THBS2: variants seen among roughly 807,000 people sequenced by gnomAD.
THBS2 encodes thrombospondin 2, also known as thrombospondin-2.
In THBS2, 47 loss-of-function variants were observed where a neutral mutation model predicts 135.2. The ratio of observed to expected loss-of-function variants is 0.35; its 90% confidence interval spans 0.28 to 0.44. The LOEUF is 0.44. Ranked by LOEUF, THBS2 falls within the 20% of genes least tolerant of loss-of-function variation. The pLI is 1.00. For synonymous variants in THBS2, 639 were observed against 633.8 expected (o/e 1.01, Z -0.12); for missense variants, 1,288 against 1,603.1 (o/e 0.80, Z 3.36).
At chr6:169,229,748 A>C in intron 13 of THBS2, 69 bp from the exon 14 acceptor site, 3 of 1,287,142 alleles carry the variant, frequency 2.3e-6, no homozygotes, top group Non-Finnish European at 1.1e-6. Flanking sequence ...AATGCAGGTG[A>C]AATGAAACCA....
intron 9 of THBS2, 116 bp downstream of exon 9, chr6:169,237,054 G>A (rs1780122325): frequency 2.5e-6 from 3 of 1,215,842 alleles, no homozygotes; most frequent in Admixed American, 2.6e-5. Flanking sequence ...GCTCGGCTGG[G>A]GCTGGGCTGG....
intron 7 of THBS2, among the ~76,000 whole-genome samples, chr6:169,238,062 G>A (rs921167523): frequency 2.6e-4 from 39 of 152,282 alleles, no homozygotes; most frequent in African/African-American, 9.1e-4. Context: ...GGGTGCTGAG[G>A]GGAGCTAAAT....
intron 15 of THBS2, 49 bp downstream of exon 15, chr6:169,228,073 T>TG: frequency 7.1e-7 from 1 of 1,405,982 alleles, no homozygotes; most frequent in Non-Finnish European, 9.4e-7. Context: ...AAACTCCATC[T>TG]CAAAAAAAAA....
intron 19 of THBS2, 54 bp downstream of exon 19, chr6:169,222,141 ACT>A: frequency 6.6e-7 from 1 of 1,526,346 alleles, no homozygotes; most frequent in Admixed American, 1.9e-5. Flanking sequence ...CTGCTGAAAC[ACT>A]CTGCAGCCAC....
rs770093072 is a variant in THBS2 at position 169,225,305 on chromosome 6, G to A, written c.2613C>T (p.Asn871=). The change falls in exon 17 of 22, where the codon AAC becomes AAT. Residue 871 remains asparagine, a synonymous_variant. Transcript: ENST00000617924. ...AGATGTAGGGGCAGTTGTCCTGGTT[G>A]TTCTGGTGGCCGTCGTCATCTATGT... The part of the protein sequence containing the change: ...NEDIDDDGHQ[N]NQDNCPYISN... 2.5e-6 allele frequency: 4 copies of A among 1,591,488 alleles called. No homozygotes were observed. The highest frequency in any genetic ancestry group is 3.6e-5 in the Admixed American group (2 of 55,496).
intron 3 of THBS2, 66 bp downstream of exon 3, chr6:169,248,351 T>A: frequency 1.3e-6 from 2 of 1,517,304 alleles, no homozygotes; most frequent in African/African-American, 2.7e-5. Flanking sequence ...ACCAGACGCA[T>A]TAGCAGATCA....
chr6:169,232,792 A>G lies in THBS2; in HGVS notation c.1804T>C (p.Phe602Leu). ...DECALVPDIC[F>L]STSKVPRCVN... is the part of the protein sequence containing the mutation. The stretch of plus-strand genomic sequence containing the variant: ...CAGCGAGGCACCTTGCTGGTGGAGA[A>G]GCAGATGTCGGGGACCAGGGCACAC... Residue 602 changes from phenylalanine to leucine, a missense_variant, in exon 12 of 22, where the codon TTC (phenylalanine) becomes CTC (leucine). Around this residue, in one of 2 missense-constraint regions of THBS2, gnomAD observed 874 missense variants for 1,156.1 expected, o/e 0.76. Transcript: ENST00000617924. 6.2e-7 allele frequency: 1 copy of G among 1,613,850 alleles called. No individual in the cohort carries two copies. Among genetic ancestry groups the G allele is most frequent in the Non-Finnish European group, 8.5e-7 (1 of 1,179,854 alleles).
At chr6:169,247,245 G>A (rs184185064) in intron 3 of THBS2, among the ~76,000 whole-genome samples, 12 of 152,324 alleles carry the variant, frequency 7.9e-5, no homozygotes, top group Admixed American at 7.8e-4. Flanking sequence ...CGTGCGTTGT[G>A]TGTGTGTGCG....
At chr6:169,226,379 A>G (rs1182658365) in intron 15 of THBS2, 81 bp from the exon 16 acceptor site, 1 of 1,056,578 alleles carries the variant, frequency 9.5e-7, no homozygotes, top group African/African-American at 1.6e-5. Flanking sequence ...TGTTTTTCCT[A>G]TCACACGAAA....
intron 20 of THBS2, among the ~76,000 whole-genome samples, chr6:169,220,922 G>A (rs568866562): frequency 1.3e-5 from 2 of 152,102 alleles, no homozygotes; most frequent in African/African-American, 2.4e-5. Flanking sequence ...GCCTGATCTT[G>A]GTGCTTATTA....
intron 13 of THBS2, among the ~76,000 whole-genome samples, chr6:169,230,788 G>C (rs1424601331): frequency 6.6e-6 from 1 of 152,156 alleles, no homozygotes; most frequent in Non-Finnish European, 1.5e-5. Flanking sequence ...GGGTAGCCAA[G>C]GGGTGTAACA....
intron 6 of THBS2, 71 bp from the exon 7 acceptor site, chr6:169,239,766 T>C (rs1780226948): frequency 8.4e-7 from 1 of 1,187,664 alleles, no homozygotes; most frequent in African/African-American, 1.5e-5. Flanking sequence ...GGGCTGAGAC[T>C]AGAAGGGGTC....
chr6:169,240,658 G>T, intron 5 of THBS2, 66 bp from the exon 6 acceptor site: 1 of 1,549,304 alleles, frequency 6.5e-7, no homozygotes, highest in Non-Finnish European at 8.8e-7. Context: ...TCATGCTTGT[G>T]GATGAAAAAC....
rs549274448 is a variant in THBS2 at position 169,235,468 on chromosome 6, T to A, written c.1478-561A>T. On this transcript the variant is annotated intron_variant, in intron 9 of 21. Coordinates refer to ENST00000617924, the MANE Select transcript of THBS2 (RefSeq NM_003247.5). ...GAGGCGTGAGCACAGCTGAAGGCAATCCCTGCACACCCTCTTTTTCTCAGC... is the reference window on the plus strand; with the variant it reads ...GAGGCGTGAGCACAGCTGAAGGCAAACCCTGCACACCCTCTTTTTCTCAGC... Among the ~76,000 whole-genome samples the A allele has an allele frequency of 3.9e-5, 6 of 152,138 alleles. No individual in the cohort carries two copies. In the East Asian group the frequency reaches 1.2e-3, roughly 29 times the overall value.
rs1331226253 is a variant in THBS2, at chr6:169,241,651, C to T, written c.891+111G>A. The stretch of plus-strand genomic sequence containing the variant: ...CTCCCCTGTGAACTGTGGGTTTTTA[C>T]ATCGAGCATGAGGCACTGCCAAGCC... On this transcript the variant is annotated intron_variant, in intron 5 of 21. Transcript: ENST00000617924. This position sits in a 1 kb window ranked among gnomAD's most constrained non-coding sequence, Gnocchi z 5.5. 3.5e-6 allele frequency: 4 copies of T among 1,145,164 alleles called. No homozygotes were observed. The highest frequency in any genetic ancestry group is 4.9e-6 in the Non-Finnish European group (4 of 808,230). The allele number at this position is 1,145,164 out of a possible 1,614,324, so 70.9% of individuals were successfully genotyped here.
intron 21 of THBS2, among the ~76,000 whole-genome samples, chr6:169,219,570 C>T (rs1370077095): frequency 6.6e-6 from 1 of 152,186 alleles, no homozygotes; most frequent in Admixed American, 6.5e-5. Flanking sequence ...GTCTCGAACT[C>T]CTGACCTCAG....
At chr6:169,227,380 G>A (rs993104395) in intron 15 of THBS2, among the ~76,000 whole-genome samples, 6 of 152,210 alleles carry the variant, frequency 3.9e-5, no homozygotes, top group South Asian at 2.1e-4. Flanking sequence ...CAAGGCCAGC[G>A]AACTCTCCGG....
chr6:169,220,839 C>T (rs1187711593), intron 20 of THBS2, among the ~76,000 whole-genome samples: 1 of 152,226 alleles, frequency 6.6e-6, no homozygotes, highest in Non-Finnish European at 1.5e-5. Flanking sequence ...GGCCACGAGC[C>T]TGCACTTCAC....
rs1221023262 is a variant in THBS2, at chr6:169,240,506, G to A, written c.978C>T (p.Phe326=). ...CCACCCACGTTTCATTTTCCGCAAA[G>A]AACCGGCCATCCTGCCAGCAAGCTG... ...NMSACWQDGR[F]FAENETWVVD... Residue 326 remains phenylalanine, a synonymous_variant, in exon 6 of 22, where the codon TTC becomes TTT. Coordinates refer to ENST00000617924, the MANE Select transcript of THBS2 (RefSeq NM_003247.5). The A allele has an allele frequency of 2.5e-6, 4 of 1,613,892 alleles. No homozygotes were observed. The highest frequency in any genetic ancestry group is 2.7e-5 in the African/African-American group (2 of 74,928).
Sources: gnomAD v4.1 joint callset for allele counts (sites outside exome capture counted in the v4.1 genomes callset) on GRCh38, gnomAD v4.1.1 for gene constraint, gnomAD v4.1.1 regional missense constraint, Gnocchi (gnomAD v3.1) non-coding constraint, MANE v1.5 for transcripts, NCBI Gene and HGNC (gene_info 2026-07-23, HGNC 2026-07-21) for gene names.